Variants in ANKS1B observed in about 807,000 individuals in gnomAD.
ANKS1B encodes ankyrin repeat and sterile alpha motif domain containing 1B, also known as ankyrin repeat and sterile alpha motif domain-containing protein 1B.
ANKS1B carries 36 observed loss-of-function variants against 148.3 expected under a neutral mutation model. The observed-to-expected ratio is 0.24, with a 90% CI of 0.19 to 0.32. The LOEUF is 0.32. Among genes scored for constraint, ANKS1B ranks in the 10% least tolerant of loss-of-function variants. The pLI, the probability that ANKS1B is intolerant of heterozygous loss-of-function variation, is 1.00. For synonymous variants in ANKS1B, 542 were observed against 560.8 expected, an observed-to-expected ratio of 0.97 and a Z score of 0.47; for missense variants, 1,157 against 1,542.6, an observed-to-expected ratio of 0.75 and a Z score of 4.19.
intron 17 of ANKS1B, among the ~76,000 whole-genome samples, chr12:98,948,668 A>G (rs1015220237): frequency 1.3e-5 from 2 of 151,980 alleles, no homozygotes; most frequent in African/African-American, 2.4e-5. Context: ...GGTGCTTTGT[A>G]TCATGGACCA....
At chr12:99,940,181 T>C (rs574268218) in intron 1 of ANKS1B, among the ~76,000 whole-genome samples, 5 of 152,172 alleles carry the variant, frequency 3.3e-5, no homozygotes, top group Middle Eastern at 3.2e-3. Flanking sequence ...GAGATGAGCA[T>C]GCAAAGTATA....
At chr12:99,944,967 T>C (rs575112989) in intron 1 of ANKS1B, among the ~76,000 whole-genome samples, 1 of 152,194 alleles carries the variant, frequency 6.6e-6, no homozygotes, top group Non-Finnish European at 1.5e-5. Context: ...AGCCAAAAGC[T>C]GAGAAGCCAG....
At chr12:99,320,077 G>A (rs2084941553) in intron 12 of ANKS1B, among the ~76,000 whole-genome samples, 1 of 152,170 alleles carries the variant, frequency 6.6e-6, no homozygotes, top group African/African-American at 2.4e-5. Context: ...AGTCTGATCG[G>A]CTTCCCTTTG....
chr12:99,906,909 A>ACC (rs1229890934), intron 1 of ANKS1B, among the ~76,000 whole-genome samples: 1 of 152,204 alleles, frequency 6.6e-6, no homozygotes, highest in Non-Finnish European at 1.5e-5. Flanking sequence ...AAGATGTGTA[A>ACC]ACAAATAACC....
intron 9 of ANKS1B, among the ~76,000 whole-genome samples, chr12:99,546,444 A>G (rs1311512805): frequency 6.6e-6 from 1 of 152,252 alleles, no homozygotes; most frequent in Admixed American, 6.5e-5. Flanking sequence ...TGTTCTAGTC[A>G]CTCTAGAAGT....
chr12:98,856,197 A>T (rs1479002741), intron 17 of ANKS1B, among the ~76,000 whole-genome samples: 1 of 152,216 alleles, frequency 6.6e-6, no homozygotes, highest in Admixed American at 6.5e-5. Context: ...TTAGTGAATA[A>T]TTTGCATTTT....
intron 9 of ANKS1B, among the ~76,000 whole-genome samples, chr12:99,618,404 C>A (rs929806624): frequency 6.6e-6 from 1 of 152,078 alleles, no homozygotes; most frequent in African/African-American, 2.4e-5. Context: ...TTTTAGCACG[C>A]CTCAGTAACT....
At chr12:99,870,997 C>T (rs2091442761) in intron 1 of ANKS1B, among the ~76,000 whole-genome samples, 2 of 152,086 alleles carry the variant, frequency 1.3e-5, no homozygotes. Flanking sequence ...AATTCTTTCC[C>T]AAGGCCAATG....
chr12:99,610,020 T>A (rs765515845), intron 9 of ANKS1B, among the ~76,000 whole-genome samples: 4 of 152,018 alleles, frequency 2.6e-5, no homozygotes, highest in Admixed American at 1.3e-4. Flanking sequence ...CCGCTCCACA[T>A]TGAACACCAG....
At chr12:99,112,829 G>A (rs1308323311) in intron 15 of ANKS1B, among the ~76,000 whole-genome samples, 2 of 152,054 alleles carry the variant, frequency 1.3e-5, no homozygotes, top group Non-Finnish European at 2.9e-5. Flanking sequence ...CGTCCTGTTT[G>A]CTTTATTCTT....
At chr12:99,681,928 T>A (rs1456250640) in intron 8 of ANKS1B, among the ~76,000 whole-genome samples, 1 of 152,168 alleles carries the variant, frequency 6.6e-6, no homozygotes, top group African/African-American at 2.4e-5. Flanking sequence ...GAAAGAGATA[T>A]TCCATGCAAA....
intron 25 of ANKS1B, among the ~76,000 whole-genome samples, chr12:98,755,266 G>C (rs58615510): frequency 1.3e-5 from 2 of 152,148 alleles, no homozygotes; most frequent in Admixed American, 6.5e-5. Flanking sequence ...TATCATGTAC[G>C]AGGAGACTCT....
At chr12:99,790,916 T>C (rs1410454427) in intron 4 of ANKS1B, among the ~76,000 whole-genome samples, 2 of 151,726 alleles carry the variant, frequency 1.3e-5, no homozygotes, top group Non-Finnish European at 2.9e-5. Context: ...CAGGAGTAAG[T>C]CCTTACTTAT....
chr12:98,763,198 C>T (rs1477320473), intron 25 of ANKS1B, among the ~76,000 whole-genome samples: 1 of 152,108 alleles, frequency 6.6e-6, no homozygotes, highest in East Asian at 1.9e-4. Context: ...TGGGGTAAGC[C>T]TGGTCTACAA....
chr12:99,604,857 A>T (rs559558337), intron 9 of ANKS1B, among the ~76,000 whole-genome samples: 44 of 151,762 alleles, frequency 2.9e-4, no homozygotes, highest in African/African-American at 9.6e-4. Flanking sequence ...AAATTGTTTA[A>T]GACAAATAGA....
At chr12:99,631,715 T>C (rs2098162876) in intron 9 of ANKS1B, among the ~76,000 whole-genome samples, 2 of 152,162 alleles carry the variant, frequency 1.3e-5, no homozygotes, top group African/African-American at 4.8e-5. Flanking sequence ...AGAAGAAATT[T>C]CTAAGTAAAA....
chr12:99,639,802 T>C (rs938745581), intron 9 of ANKS1B, among the ~76,000 whole-genome samples: 10 of 152,188 alleles, frequency 6.6e-5, no homozygotes, highest in Admixed American at 1.3e-4. Context: ...TTGAACCTCT[T>C]TCCTTTATAA....
intron 9 of ANKS1B, among the ~76,000 whole-genome samples, chr12:99,630,013 G>A (rs903982875): frequency 1.3e-5 from 2 of 152,120 alleles, no homozygotes; most frequent in Non-Finnish European, 2.9e-5. Flanking sequence ...AATCCTAGGT[G>A]TATTTTTCTA....
chr12:99,407,703 C>T (rs2094564821), intron 11 of ANKS1B, among the ~76,000 whole-genome samples: 1 of 145,312 alleles, frequency 6.9e-6, no homozygotes, highest in South Asian at 2.1e-4. Context: ...TTCTATATGC[C>T]AACAGTGAAT....
Sources: gnomAD v4.1 joint callset for allele counts (sites outside exome capture counted in the v4.1 genomes callset) on GRCh38, gnomAD v4.1.1 for gene constraint, MANE v1.5 for transcripts, NCBI Gene and HGNC (gene_info 2026-07-23, HGNC 2026-07-21) for gene names.